LMO7: variants seen among roughly 807,000 people sequenced by gnomAD.
LMO7 encodes the protein LIM domain only protein 7.
LMO7 carries 120 observed loss-of-function variants against 206.5 expected under a neutral mutation model. The observed-to-expected ratio is 0.58, with a 90% confidence interval of 0.50 to 0.68. The LOEUF is 0.68. Among genes scored for constraint, LMO7 ranks in the 30% least tolerant of loss-of-function variants. LMO7 has a pLI of 0.00. For missense variants in LMO7, 1,959 were observed against 1,957.9 expected, an observed-to-expected ratio of 1.00 and a Z score of -0.01; for synonymous variants, 706 against 681.5, an observed-to-expected ratio of 1.04 and a Z score of -0.56.
rs1343188853 is a variant in LMO7 at position 75,743,002 on chromosome 13, A to G, written c.210+15904A>G. 2.0e-5 allele frequency among the ~76,000 whole-genome samples: 3 copies of G among 152,196 alleles called. No individual in the cohort carries two copies. The East Asian group carries it at 5.8e-4, about 29-fold the overall frequency. ...GACAAAGATCTAATATTCAGCATCC[A>G]CAGCAACTTAAACAAATGTACAAGA... is the stretch of plus-strand genomic sequence containing the variant. On this transcript the variant is annotated intron_variant, in intron 3 of 30. Coordinates refer to ENST00000377534, the MANE Select transcript of LMO7 (RefSeq NM_001306080.2).
chr13:75,810,515 T>C (rs927266064), intron 11 of LMO7, among the ~76,000 whole-genome samples: 2 of 152,238 alleles, frequency 1.3e-5, no homozygotes, highest in African/African-American at 2.4e-5. Flanking sequence ...CCGTGTGCCA[T>C]GCAAAGGCAC....
chr13:75,677,555 A>G (rs573736712), intron 1 of LMO7, among the ~76,000 whole-genome samples: 48 of 151,898 alleles, frequency 3.2e-4, no homozygotes, highest in Non-Finnish European at 5.6e-4. Context: ...ATCCAGCCAA[A>G]TTTCCTAAAT....
rs753904879 is a variant in LMO7, at chr13:75,808,231, G to A, written c.1916+32G>A. 4 of 1,565,172 alleles carry A rather than the reference G, an allele frequency of 2.6e-6. No individual in the cohort carries two copies. In the South Asian group the frequency reaches 4.7e-5, roughly 19 times the overall value. Reference sequence around the variant, plus strand: ...GTGTGTTTCTGCAAGGATTTTGCTTGTAATGGATGGTCTTGTGTAACTTTT... The same window carrying A: ...GTGTGTTTCTGCAAGGATTTTGCTTATAATGGATGGTCTTGTGTAACTTTT... On this transcript the variant is annotated intron_variant, in intron 10 of 30. Coordinates refer to ENST00000377534, the MANE Select transcript of LMO7 (RefSeq NM_001306080.2).
chr13:75,809,587 T>C (rs1446155437), intron 11 of LMO7, among the ~76,000 whole-genome samples: 1 of 152,158 alleles, frequency 6.6e-6, no homozygotes, highest in Non-Finnish European at 1.5e-5. Context: ...GGAAAAAGAA[T>C]ATTAGCATTT....
At chr13:75,632,035 T>C (rs573265342), upstream of LMO7, 1 of 152,338 alleles carries the variant, frequency 6.6e-6, no homozygotes. Flanking sequence ...CAAGAGTTCA[T>C]CAGTAATGCA....
In LMO7 at chr13:75,655,756, A is replaced by G. The variant is rs202134225; in HGVS notation, c.69+19030A>G. ...TCCTGAAGTGCTTGTTGTTTCTTCA[A>G]GTTGTCACCTGTGTCTTCCAGGAGC... On this transcript the variant is annotated intron_variant, in intron 1 of 30. Coordinates refer to ENST00000377534, the MANE Select transcript of LMO7 (RefSeq NM_001306080.2). Among the ~76,000 whole-genome samples the G allele has an allele frequency of 1.1e-4, 16 of 151,112 alleles. No individual in the cohort carries two copies. In the East Asian group the frequency reaches 2.3e-3, roughly 22 times the overall value.
chr13:75,780,288 C>A (rs781460355), intron 4 of LMO7, among the ~76,000 whole-genome samples: 1 of 152,106 alleles, frequency 6.6e-6, no homozygotes, highest in Non-Finnish European at 1.5e-5. Context: ...GAGACCAGGG[C>A]GTATTTCATC....
At chr13:75,711,171 C>A (rs2043081247) in intron 1 of LMO7, among the ~76,000 whole-genome samples, 1 of 152,140 alleles carries the variant, frequency 6.6e-6, no homozygotes, top group Non-Finnish European at 1.5e-5. Context: ...GGTGGATAAG[C>A]TTCTTGATGT....
chr13:75,711,642 A>G (rs1372003619), intron 1 of LMO7, among the ~76,000 whole-genome samples: 1 of 152,090 alleles, frequency 6.6e-6, no homozygotes, highest in Non-Finnish European at 1.5e-5. Context: ...CCCACTCCCC[A>G]GTGAGAGGAA....
Position 75,623,215 on chromosome 13 carries a change from T to C in LMO7, c.176-56T>C, listed in dbSNP as rs894425595. The C allele has an allele frequency of 3.4e-5, 29 of 854,612 alleles. No homozygotes were observed. The South Asian group carries it at 4.1e-4, about 12-fold the overall frequency. 52.9% of individuals were successfully genotyped at this position (854,612 alleles called of 1,614,324 possible). A position where few individuals can be genotyped will look rare whatever the true frequency, so the allele number is the denominator to read the frequency against. On this transcript the variant is annotated intron_variant, in intron 1 of 29. Transcript: ENST00000341547. ...CTCAATAAATATTTGTTGATTACTT[T>C]TCATTTTTTTTCTGTATTGGTTTTT...
At chr13:75,771,258 A>G (rs1305816948) in intron 4 of LMO7, among the ~76,000 whole-genome samples, 1 of 152,144 alleles carries the variant, frequency 6.6e-6, no homozygotes, top group Admixed American at 6.6e-5. Flanking sequence ...AAATAAGAAC[A>G]TATGTACCTT....
chr13:75,819,592 A>G lies in LMO7; in HGVS notation c.2207+57A>G, dbSNP rs534424180. ...AGGGTTGGAGATGCCAGTGTTATAA[A>G]TAGATATTTTATGTAAGTGTAGTGT... is the stretch of plus-strand genomic sequence containing the variant. On this transcript the variant is annotated intron_variant, in intron 13 of 30. Transcript: ENST00000377534. 6 of 1,441,278 alleles carry G rather than the reference A, an allele frequency of 4.2e-6. No individual in the cohort carries two copies. In the South Asian group the frequency reaches 8.4e-5, roughly 20 times the overall value. 89.3% of individuals were successfully genotyped at this position (1,441,278 alleles called of 1,614,324 possible).
Position 75,841,881 on chromosome 13 carries a change from G to T in LMO7, c.3929G>T (p.Arg1310Leu). The T allele has an allele frequency of 1.2e-6, 2 of 1,613,964 alleles. No homozygotes were observed. Among genetic ancestry groups the T allele is most frequent in the Non-Finnish European group, 1.7e-6 (2 of 1,179,892 alleles). The change falls in exon 24 of 31, where the codon CGG becomes CTG. Residue 1310 changes from arginine to leucine, a missense_variant. By Grantham distance (102) the Arg-to-Leu change is moderately radical. Coordinates refer to ENST00000377534, the MANE Select transcript of LMO7 (RefSeq NM_001306080.2). Reference protein sequence around the residue: ...QQLQEEQEQKRLQAEAEEQKR... With the variant: ...QQLQEEQEQKLLQAEAEEQKR... ...CTTCAGGAAGAGCAAGAGCAAAAGC[G>T]GCTTCAGGCTGAGGCTGAGGAGCAG...
chr13:75,845,179 A>T (rs1247239353), intron 25 of LMO7, 148 bp from the exon 26 acceptor site: 1 of 454,710 alleles, frequency 2.2e-6, no homozygotes. Flanking sequence ...AAGATGAAAA[A>T]TTTCTTGGTT....
intron 19 of LMO7, among the ~76,000 whole-genome samples, chr13:75,836,749 T>A (rs1462618615): frequency 3.9e-5 from 6 of 152,220 alleles, no homozygotes; most frequent in African/African-American, 1.4e-4. Context: ...CCGTCAGCTT[T>A]CTTGCTAGGG....
At chr13:75,812,990 A>G (rs905882909) in intron 11 of LMO7, among the ~76,000 whole-genome samples, 1 of 152,256 alleles carries the variant, frequency 6.6e-6, no homozygotes, top group African/African-American at 2.4e-5. Flanking sequence ...TGAGGCCGAC[A>G]GATAGGGATG....
At chr13:75,678,652 C>A (rs2040228291) in intron 1 of LMO7, among the ~76,000 whole-genome samples, 1 of 152,182 alleles carries the variant, frequency 6.6e-6, no homozygotes, top group South Asian at 2.1e-4. Context: ...AGCTCTCCTC[C>A]TCTCAGTGTA....
In LMO7 at chr13:75,858,890, C is replaced by G. The variant is rs531206925; in HGVS notation, c.*947C>G. ...CTATGCCACAGTCTGGATGTGTTTACTGAAACATTTTAATAAGGAAGTTTA... is the reference window on the plus strand; with the variant it reads ...CTATGCCACAGTCTGGATGTGTTTAGTGAAACATTTTAATAAGGAAGTTTA... On this transcript the variant is annotated 3_prime_UTR_variant, in exon 31 of 31. Coordinates refer to ENST00000377534, the MANE Select transcript of LMO7 (RefSeq NM_001306080.2). The G allele has an allele frequency of 6.6e-6, 1 of 152,220 alleles. No homozygotes were observed. Among genetic ancestry groups the G allele is most frequent in the South Asian group, 2.1e-4 (1 of 4,830 alleles). 9.4% of individuals were successfully genotyped at this position (152,220 alleles called of 1,614,324 possible).
At chr13:75,644,182 C>T (rs2139046997) in intron 1 of LMO7, among the ~76,000 whole-genome samples, 1 of 152,072 alleles carries the variant, frequency 6.6e-6, no homozygotes, top group Middle Eastern at 3.4e-3. Context: ...ATAAAAGCAG[C>T]TAGTATTCTT....
Sources: gnomAD v4.1 joint callset for allele counts (sites outside exome capture counted in the v4.1 genomes callset) on GRCh38, gnomAD v4.1.1 for gene constraint, MANE v1.5 for transcripts, NCBI Gene and HGNC (gene_info 2026-07-23, HGNC 2026-07-21) for gene names.